TNKS: variants seen among roughly 807,000 people sequenced by gnomAD.
TNKS encodes the protein poly [ADP-ribose] polymerase tankyrase-1.
TNKS carries 72 observed loss-of-function variants against 135.8 expected under a neutral mutation model. The observed-to-expected ratio is 0.53, with a 90% CI of 0.44 to 0.64. TNKS has a LOEUF of 0.64. Among genes scored for constraint, TNKS ranks in the 30% least tolerant of loss-of-function variants. The probability of loss-of-function intolerance (pLI) is 0.00; values close to 1 mark genes in which losing one functional copy is unlikely to be tolerated. For synonymous variants in TNKS, 849 were observed against 649.3 expected, an observed-to-expected ratio of 1.31 and a Z score of -4.68; for missense variants, 1,769 against 1,674.0, an observed-to-expected ratio of 1.06 and a Z score of -0.99.
intron 3 of TNKS, 143 bp from the exon 4 acceptor site, chr8:9,679,808 C>G (rs1802701389): frequency 3.3e-6 from 2 of 599,304 alleles, no homozygotes; most frequent in Non-Finnish European, 5.9e-6. Flanking sequence ...CACAAGCTGG[C>G]TAACGTCACG....
At chr8:9,740,055 TAAAAAAAAA>T (rs58285747) in intron 17 of TNKS, among the ~76,000 whole-genome samples, 23 of 87,450 alleles carry the variant, frequency 2.6e-4, no homozygotes, top group African/African-American at 8.3e-4. Context: ...TAGAGTATAA[TAAAAAAAAA>T]AAAAAAAAAA....
chr8:9,720,689 C>A, intron 12 of TNKS, 144 bp downstream of exon 12: 1 of 943,088 alleles, frequency 1.1e-6, no homozygotes, highest in Non-Finnish European at 1.5e-6. Flanking sequence ...TTCCCCATCT[C>A]CCTTTTTTGG....
intron 1 of TNKS, among the ~76,000 whole-genome samples, chr8:9,563,082 A>G (rs1452942055): frequency 6.6e-6 from 1 of 152,064 alleles, no homozygotes; most frequent in African/African-American, 2.4e-5. Flanking sequence ...TTAATACGAT[A>G]TATGTAAAAT....
intron 2 of TNKS, among the ~76,000 whole-genome samples, chr8:9,588,375 C>T (rs1314332957): frequency 6.6e-6 from 1 of 151,924 alleles, no homozygotes; most frequent in East Asian, 1.9e-4. Context: ...CCCAGGTTCA[C>T]GCCATGCTCT....
intron 5 of TNKS, among the ~76,000 whole-genome samples, chr8:9,686,172 G>C (rs1054247297): frequency 6.6e-6 from 1 of 152,158 alleles, no homozygotes; most frequent in Non-Finnish European, 1.5e-5. Flanking sequence ...TGGCCTGGCA[G>C]CTGCTAGTTT....
chr8:9,761,387 TG>T (rs1807140392), intron 20 of TNKS, 128 bp from the exon 21 acceptor site: 1 of 961,282 alleles, frequency 1.0e-6, no homozygotes, highest in Non-Finnish European at 1.5e-6. Context: ...TGTAAGCTCA[TG>T]TTTATAAAGG....
intron 2 of TNKS, among the ~76,000 whole-genome samples, chr8:9,606,262 G>C (rs28464158): frequency 2.7e-5 from 4 of 149,114 alleles, no homozygotes; most frequent in Admixed American, 2.0e-4. Context: ...TGAAAAGTCA[G>C]TTGACTCCCT....
In TNKS at chr8:9,733,369, G is replaced by A. The variant is rs1454572416; in HGVS notation, c.2238G>A (p.Ala746=). The A allele has an allele frequency of 3.7e-6, 6 of 1,612,962 alleles. No individual in the cohort carries two copies. Among genetic ancestry groups the A allele is most frequent in the East Asian group, 2.2e-5 (1 of 44,786 alleles). The change falls in exon 15 of 27, where the codon GCG becomes GCA. Residue 746 remains alanine, a synonymous_variant. Transcript: ENST00000310430. ...GGCATGGGGCTTCTGTCAATGTGGC[G>A]GACTTATGGAAATTTACCCCTCTCC... is the stretch of plus-strand genomic sequence containing the variant. ...LVRHGASVNV[A]DLWKFTPLHE...
chr8:9,769,612 CTT>C (rs1163803220), intron 25 of TNKS, among the ~76,000 whole-genome samples: 559 of 73,372 alleles, frequency 7.6e-3, no homozygotes, highest in Middle Eastern at 0.025. Context: ...CAGGCATTTT[CTT>C]TTTTTTTTTT....
chr8:9,584,088 C>G (rs567952978), intron 2 of TNKS, among the ~76,000 whole-genome samples: 1 of 149,096 alleles, frequency 6.7e-6, no homozygotes, highest in South Asian at 2.1e-4. Flanking sequence ...GGCGTGAACC[C>G]GGGATGGGGA....
At chr8:9,582,635 C>T (rs543495084) in intron 2 of TNKS, among the ~76,000 whole-genome samples, 14 of 152,298 alleles carry the variant, frequency 9.2e-5, no homozygotes, top group African/African-American at 3.4e-4. Context: ...TTCTTGGCCT[C>T]TGTCTTTCCT....
chr8:9,687,905 TTC>T (rs1030000443), intron 5 of TNKS, among the ~76,000 whole-genome samples: 3 of 152,244 alleles, frequency 2.0e-5, no homozygotes, highest in Non-Finnish European at 4.4e-5. Flanking sequence ...GTTTAAAGTG[TTC>T]TTTCTGCCTT....
intron 11 of TNKS, among the ~76,000 whole-genome samples, chr8:9,714,330 C>CTT (rs34419756): frequency 6.8e-6 from 1 of 146,968 alleles, no homozygotes; most frequent in Admixed American, 6.8e-5. Context: ...GCCCTACAGG[C>CTT]TTTTTTTTTT....
chr8:9,764,651 G>C, intron 22 of TNKS, 65 bp from the exon 23 acceptor site: 1 of 1,246,660 alleles, frequency 8.0e-7, no homozygotes, highest in Non-Finnish European at 1.1e-6. Flanking sequence ...CTGAATTTTA[G>C]ACTCATCATT....
At chr8:9,657,703 T>C (rs1801467218) in intron 3 of TNKS, among the ~76,000 whole-genome samples, 1 of 87,620 alleles carries the variant, frequency 1.1e-5, no homozygotes, top group Admixed American at 1.1e-4. Flanking sequence ...GCTGAGGGGC[T>C]CCTCACTTCC....
At chr8:9,673,980 A>G (rs1802423445) in intron 3 of TNKS, among the ~76,000 whole-genome samples, 1 of 151,782 alleles carries the variant, frequency 6.6e-6, no homozygotes, top group Admixed American at 6.5e-5. Flanking sequence ...AACATTACCA[A>G]AAGTTTAGAA....
chr8:9,688,826 A>T (rs1435369987), intron 5 of TNKS, among the ~76,000 whole-genome samples: 1 of 152,028 alleles, frequency 6.6e-6, no homozygotes, highest in Non-Finnish European at 1.5e-5. Context: ...TTTTTAGTAG[A>T]GATGGCGTTT....
At chr8:9,705,370 G>A (rs1258834690) in intron 6 of TNKS, among the ~76,000 whole-genome samples, 6 of 152,080 alleles carry the variant, frequency 3.9e-5, no homozygotes, top group African/African-American at 1.4e-4. Context: ...ATTTCTCATT[G>A]CCCCACTTTA....
At chr8:9,653,438 C>T (rs1801217551) in intron 3 of TNKS, among the ~76,000 whole-genome samples, 1 of 151,868 alleles carries the variant, frequency 6.6e-6, no homozygotes, top group African/African-American at 2.4e-5. Flanking sequence ...GTTCTGGAGA[C>T]CAGGAGGTCC....
Sources: allele counts gnomAD v4.1 joint callset (sites outside exome capture counted in the v4.1 genomes callset), GRCh38; gene constraint gnomAD v4.1.1; transcripts MANE v1.5; gene names NCBI Gene and HGNC (gene_info 2026-07-23, HGNC 2026-07-21).